ARID1B: variants seen among roughly 807,000 people sequenced by gnomAD.
ARID1B encodes the protein AT-rich interactive domain-containing protein 1B.
In ARID1B, 30 loss-of-function variants were observed where a neutral mutation model predicts 212.3. That is an observed-to-expected ratio of 0.14 (90% CI 0.11 to 0.19). ARID1B has a LOEUF of 0.19. Ranked by LOEUF, ARID1B falls within the 10% of genes least tolerant of loss-of-function variation. The pLI is 1.00. For missense variants in ARID1B, 2,891 were observed against 3,204.0 expected (o/e 0.90, Z 2.36); for synonymous variants, 1,402 against 1,301.7 (o/e 1.08, Z -1.66).
intron 1 of ARID1B, among the ~76,000 whole-genome samples, chr6:156,787,061 T>G (rs1365668969): frequency 1.3e-5 from 2 of 152,142 alleles, no homozygotes; most frequent in African/African-American, 4.8e-5. Context: ...CTTTTCCATT[T>G]CTACCAATCA....
At chr6:157,183,631 A>T (rs1247303579) in intron 12 of ARID1B, among the ~76,000 whole-genome samples, 1 of 152,168 alleles carries the variant, frequency 6.6e-6, no homozygotes, top group African/African-American at 2.4e-5. Flanking sequence ...CAGCCCTTTA[A>T]GCCTCCTTGA....
At chr6:156,926,573 T>A (rs1562489019) in intron 3 of ARID1B, among the ~76,000 whole-genome samples, 1 of 152,172 alleles carries the variant, frequency 6.6e-6, no homozygotes, top group African/African-American at 2.4e-5. Flanking sequence ...CAGAAGTAGA[T>A]AATGGTGTAA....
chr6:157,116,714 G>A (rs528608213), intron 6 of ARID1B, among the ~76,000 whole-genome samples: 7 of 151,934 alleles, frequency 4.6e-5, no homozygotes, highest in African/African-American at 1.7e-4. Flanking sequence ...CCATCAGATC[G>A]GTGCTGAAAG....
chr6:156,936,908 TAC>T (rs1792280953), intron 4 of ARID1B: 1 of 152,178 alleles, frequency 6.6e-6, no homozygotes, highest in Non-Finnish European at 1.5e-5. Context: ...CCATACCATA[TAC>T]ATTTTAATGT....
At chr6:156,792,823 T>C (rs552709304) in intron 1 of ARID1B, among the ~76,000 whole-genome samples, 3 of 152,336 alleles carry the variant, frequency 2.0e-5, no homozygotes, top group African/African-American at 7.2e-5. Flanking sequence ...GATACCTGGC[T>C]CTTTCCGTGG....
chr6:156,962,584 G>A (rs1446996569), intron 4 of ARID1B, among the ~76,000 whole-genome samples: 1 of 152,026 alleles, frequency 6.6e-6, no homozygotes, highest in Non-Finnish European at 1.5e-5. Context: ...CCGGGCTAAA[G>A]CGATCCTCCA....
rs1793265079 is a variant in ARID1B, at chr6:157,190,238, C to T, written c.4231+28C>T. ...ACGTGTAGAGGGGCCTCCACCCGGC[C>T]ATGGACCAGTGGGCATTCTACTCTC... On this transcript the variant is annotated intron_variant, in intron 15 of 19. Coordinates refer to ENST00000636930, the MANE Select transcript of ARID1B (RefSeq NM_001374828.1). The surrounding 1 kb of genome is among the most constrained non-coding windows in gnomAD (Gnocchi z 4.6). The T allele has an allele frequency of 1.3e-6, 2 of 1,588,196 alleles. No individual in the cohort carries two copies. Among genetic ancestry groups the T allele is most frequent in the Non-Finnish European group, 1.7e-6 (2 of 1,171,208 alleles).
chr6:156,845,050 A>C (rs1422682024), intron 2 of ARID1B, among the ~76,000 whole-genome samples: 6 of 111,860 alleles, frequency 5.4e-5, no homozygotes, highest in African/African-American at 2.1e-4. Context: ...GTCTGGGGAG[A>C]TGTCCACATG....
chr6:157,092,032 C>T (rs536363179), intron 5 of ARID1B, among the ~76,000 whole-genome samples: 80 of 151,726 alleles, frequency 5.3e-4, no homozygotes, highest in African/African-American at 1.9e-3. Context: ...ATTGGCAAGC[C>T]GAGGAGGAAA....
chr6:157,137,024 T>TA (rs1162088992), intron 7 of ARID1B, among the ~76,000 whole-genome samples: 1 of 151,670 alleles, frequency 6.6e-6, no homozygotes, highest in Non-Finnish European at 1.5e-5. Context: ...CAAAAAGATA[T>TA]AAAAAAATTA....
At chr6:157,048,236 A>C (rs1049616748) in intron 4 of ARID1B, among the ~76,000 whole-genome samples, 6 of 152,236 alleles carry the variant, frequency 3.9e-5, no homozygotes, top group African/African-American at 1.4e-4. Context: ...ATTTATGTGA[A>C]TTAAAGAATA....
At chr6:157,103,302 G>A (rs34110292) in intron 5 of ARID1B, among the ~76,000 whole-genome samples, 13,801 of 152,020 alleles carry the variant, frequency 0.091, 772 homozygotes, top group East Asian at 0.16. Context: ...TGGTTCAAGA[G>A]ATATAATATA....
rs921795439 is a variant in ARID1B at position 157,203,539 on chromosome 6, A to G, written c.5264-327A>G. ...TGACTCATTTATTAAAAGCTCTGAT[A>G]CCACATTGCAGACTCTGTAGGGTGG... is the stretch of plus-strand genomic sequence containing the variant. On this transcript the variant is annotated intron_variant, in intron 18 of 19. Coordinates refer to ENST00000636930, the MANE Select transcript of ARID1B (RefSeq NM_001374828.1). The surrounding 1 kb of genome is among the most constrained non-coding windows in gnomAD (Gnocchi z 4.4). 9 of 239,006 alleles carry G rather than the reference A, an allele frequency of 3.8e-5. No homozygotes were observed. The highest frequency in any genetic ancestry group is 2.0e-4 in the African/African-American group (9 of 44,390). The allele number at this position is 239,006 out of a possible 1,614,324, so 14.8% of individuals were successfully genotyped here. A position where few individuals can be genotyped will look rare whatever the true frequency, so the allele number is the denominator to read the frequency against.
At chr6:157,149,161 A>T (rs567272782) in intron 8 of ARID1B, 3 of 592,204 alleles carry the variant, frequency 5.1e-6, no homozygotes, top group Non-Finnish European at 8.9e-6. Context: ...ATGAGGAAGG[A>T]ATGTGAGCGG....
intron 2 of ARID1B, among the ~76,000 whole-genome samples, chr6:156,897,191 A>ACTGCTGCTGCTG (rs576037969): frequency 2.9e-4 from 32 of 112,074 alleles, no homozygotes; most frequent in Admixed American, 5.2e-4. Flanking sequence ...TGCTGCTGCT[A>ACTGCTGCTGCTG]CTGCTGCTGC....
intron 8 of ARID1B, among the ~76,000 whole-genome samples, chr6:157,165,686 A>G (rs1006696576): frequency 6.6e-6 from 1 of 152,088 alleles, no homozygotes; most frequent in Admixed American, 6.6e-5. Flanking sequence ...CCGTCTCTAC[A>G]AAAATACAAA....
intron 4 of ARID1B, among the ~76,000 whole-genome samples, chr6:156,981,619 CTG>C (rs1209542552): frequency 1.3e-5 from 2 of 152,180 alleles, no homozygotes; most frequent in Non-Finnish European, 2.9e-5. Context: ...TTGCTGTACA[CTG>C]TGTCTTTCCC....
intron 5 of ARID1B, among the ~76,000 whole-genome samples, chr6:157,089,108 TGCA>T (rs1483577437): frequency 2.6e-5 from 4 of 152,208 alleles, no homozygotes; most frequent in African/African-American, 9.7e-5. Context: ...TTGTAAAATG[TGCA>T]GCTGTTATGT....
intron 19 of ARID1B, chr6:157,204,704 A>G (rs113019691): frequency 2.0e-5 from 3 of 152,374 alleles, no homozygotes; most frequent in African/African-American, 7.2e-5. Context: ...CATAATAGCT[A>G]GAAGAGAGGA....
Sources: gnomAD v4.1 joint callset for allele counts (sites outside exome capture counted in the v4.1 genomes callset) on GRCh38, gnomAD v4.1.1 for gene constraint, Gnocchi (gnomAD v3.1) non-coding constraint, MANE v1.5 for transcripts, NCBI Gene and HGNC (gene_info 2026-07-23, HGNC 2026-07-21) for gene names.